Variants in RPH3A observed in about 807,000 individuals in gnomAD.
The protein encoded by RPH3A is rabphilin-3A.
Under a neutral mutation model 102.2 loss-of-function variants are expected in RPH3A, and 48 were observed. That is an observed-to-expected ratio of 0.47 (90% confidence interval 0.37 to 0.60). RPH3A has a LOEUF of 0.60. RPH3A is among the 20% of genes least tolerant of loss of function. The pLI is 0.00. For synonymous variants in RPH3A, 310 were observed against 324.3 expected (o/e 0.96, Z 0.47); for missense variants, 781 against 910.1 (o/e 0.86, Z 1.83).
intron 1 of RPH3A, among the ~76,000 whole-genome samples, chr12:112,767,319 C>T (rs1248368539): frequency 1.3e-5 from 2 of 152,194 alleles, no homozygotes; most frequent in African/African-American, 4.8e-5. Context: ...TCTCCTACCC[C>T]TTATTGTCCT....
At chr12:112,794,276 A>C (rs1472927491) in intron 2 of RPH3A, among the ~76,000 whole-genome samples, 2 of 152,196 alleles carry the variant, frequency 1.3e-5, no homozygotes, top group Non-Finnish European at 2.9e-5. Context: ...GGGTGGCCCT[A>C]AGTCCCCTTC....
intron 1 of RPH3A, among the ~76,000 whole-genome samples, chr12:112,713,068 T>C (rs1176955139): frequency 1.5e-5 from 2 of 136,374 alleles, no homozygotes; most frequent in Admixed American, 8.4e-5. Flanking sequence ...CTTCTTCTTC[T>C]TCTTCTTCTT....
chr12:112,831,922 A>G, intron 3 of RPH3A: 1 of 399,958 alleles, frequency 2.5e-6, no homozygotes, highest in East Asian at 8.6e-5. Context: ...GCTTTTTTCT[A>G]CTTGGTGCAT....
At chr12:112,879,003 C>T in intron 13 of RPH3A, 116 bp from the exon 14 acceptor site, 2 of 911,368 alleles carry the variant, frequency 2.2e-6, no homozygotes, top group Non-Finnish European at 3.5e-6. Context: ...ACCGAGTTTT[C>T]TTCTCTTCTG....
At chr12:112,815,027 G>A (rs1233424097) in intron 2 of RPH3A, among the ~76,000 whole-genome samples, 1 of 152,190 alleles carries the variant, frequency 6.6e-6, no homozygotes, top group Non-Finnish European at 1.5e-5. Flanking sequence ...GAGAGAAAGG[G>A]CCGGATGGAG....
chr12:112,896,958 T>A lies in RPH3A; in HGVS notation c.*178T>A. ...CTGCTGCCAAAGACTCCCTCCTCCC[T>A]GATGCTGGGATGTGGGCTCTGAATA... On this transcript the variant is annotated 3_prime_UTR_variant, in exon 22 of 22. Coordinates refer to ENST00000389385, the MANE Select transcript of RPH3A (RefSeq NM_001143854.2). 1.6e-6 allele frequency: 1 copy of A among 613,968 alleles called. No homozygotes were observed. The highest frequency in any genetic ancestry group is 2.8e-6 in the Non-Finnish European group (1 of 353,858). 38.0% of individuals were successfully genotyped at this position (613,968 alleles called of 1,614,324 possible). A position where few individuals can be genotyped will look rare whatever the true frequency, so the allele number is the denominator to read the frequency against.
chr12:112,871,146 G>A lies in RPH3A; in HGVS notation c.796+1107G>A, dbSNP rs2042701473. 2.0e-5 allele frequency among the ~76,000 whole-genome samples: 3 copies of A among 152,168 alleles called. No individual in the cohort carries two copies. In the South Asian group the frequency reaches 6.2e-4, roughly 32 times the overall value. On this transcript the variant is annotated intron_variant, in intron 10 of 21. Transcript: ENST00000389385. ...TTTTCTTTTCTCTTCCAGAGGTAAA[G>A]TTTCTTTTGACAATGCCTTTTAAAA...
chr12:112,582,107 T>C (rs1426441034), intron 1 of RPH3A, among the ~76,000 whole-genome samples: 1 of 147,956 alleles, frequency 6.8e-6, no homozygotes, highest in Non-Finnish European at 1.5e-5. Flanking sequence ...GTAAACACTT[T>C]GGGGCAATTT....
chr12:112,861,336 G>A (rs1025137286), intron 5 of RPH3A, among the ~76,000 whole-genome samples: 1 of 152,196 alleles, frequency 6.6e-6, no homozygotes, highest in Admixed American at 6.5e-5. Flanking sequence ...GCATTGGTTG[G>A]GTATCTTGTC....
intron 13 of RPH3A, among the ~76,000 whole-genome samples, chr12:112,877,491 G>T (rs529855273): frequency 6.7e-6 from 1 of 149,386 alleles, no homozygotes; most frequent in East Asian, 2.0e-4. Flanking sequence ...ACCCTGGTGT[G>T]CCTGGGGCAG....
At chr12:112,787,220 C>A (rs1322219526), upstream of RPH3A, among the ~76,000 whole-genome samples, 1 of 152,232 alleles carries the variant, frequency 6.6e-6, no homozygotes, top group Non-Finnish European at 1.5e-5. Flanking sequence ...CAAAGTCCCA[C>A]TTGCCACTTA....
chr12:112,710,203 C>G (rs891719533), intron 1 of RPH3A, among the ~76,000 whole-genome samples: 3 of 152,150 alleles, frequency 2.0e-5, no homozygotes, highest in Non-Finnish European at 4.4e-5. Flanking sequence ...GTCTCGATCT[C>G]CTGACCTCGT....
chr12:112,651,382 A>C (rs573624877), intron 1 of RPH3A, among the ~76,000 whole-genome samples: 20 of 121,542 alleles, frequency 1.6e-4, no homozygotes, highest in African/African-American at 5.0e-4. Flanking sequence ...AAAAACCCCC[A>C]AAAAACAAAC....
rs116387341 is a variant in RPH3A at position 112,743,378 on chromosome 12, T to A, written c.-139-48765T>A. Among the ~76,000 whole-genome samples, 703 of 152,312 alleles carry A rather than the reference T, an allele frequency of 4.6e-3. 6 individuals are homozygous for A. The highest frequency in any genetic ancestry group is 0.016 in the African/African-American group (661 of 41,564). ...TAGATGTGCCACTGGGTATCAAGCA[T>A]CCCACCTGCAATATTTGTTTCCCAT... On this transcript the variant is annotated intron_variant, in intron 1 of 21. Coordinates refer to the RPH3A transcript ENST00000543106.
intron 2 of RPH3A, among the ~76,000 whole-genome samples, chr12:112,793,105 C>T (rs184330857): frequency 2.0e-5 from 3 of 152,270 alleles, no homozygotes; most frequent in African/African-American, 4.8e-5. Context: ...GACCGTCCCC[C>T]TGCACTAGTT....
intron 1 of RPH3A, among the ~76,000 whole-genome samples, chr12:112,744,560 G>T (rs181128257): frequency 2.9e-4 from 44 of 152,162 alleles, no homozygotes; most frequent in Non-Finnish European, 5.7e-4. Context: ...TAGATTTATA[G>T]CTGCTTGTAA....
At chr12:112,706,373 T>A (rs138228217) in intron 1 of RPH3A, among the ~76,000 whole-genome samples, 1 of 152,284 alleles carries the variant, frequency 6.6e-6, no homozygotes, top group South Asian at 2.1e-4. Context: ...CTCAGTGCAA[T>A]GAAGCCCCAG....
chr12:112,612,216 T>A (rs2039644373), intron 1 of RPH3A, among the ~76,000 whole-genome samples: 1 of 152,236 alleles, frequency 6.6e-6, no homozygotes, highest in Middle Eastern at 3.2e-3. Flanking sequence ...GGCCTTTAAT[T>A]AGAGCCTTTA....
chr12:112,814,483 T>C (rs1193879571), intron 2 of RPH3A, among the ~76,000 whole-genome samples: 8 of 152,216 alleles, frequency 5.3e-5, no homozygotes, highest in Non-Finnish European at 1.2e-4. Context: ...GTTTTCATTT[T>C]GATGGGGCTG....
Sources: allele counts gnomAD v4.1 joint callset (sites outside exome capture counted in the v4.1 genomes callset), GRCh38; gene constraint gnomAD v4.1.1; transcripts MANE v1.5; gene names NCBI Gene and HGNC (gene_info 2026-07-23, HGNC 2026-07-21).